The following CNNM2 variants were observed in gnomAD, a reference collection of about 807,000 sequenced individuals.
CNNM2 encodes metal transporter CNNM2.
Under a neutral mutation model 66.9 loss-of-function variants are expected in CNNM2, and 12 were observed. That is an observed-to-expected ratio of 0.18 (90% CI 0.11 to 0.29). The LOEUF is 0.29. Among genes scored for constraint, CNNM2 ranks in the 10% least tolerant of loss-of-function variants. The probability of loss-of-function intolerance (pLI) is 1.00; values close to 1 mark genes in which losing one functional copy is unlikely to be tolerated. For synonymous variants in CNNM2, 557 were observed against 501.8 expected (o/e 1.11, Z -1.47); for missense variants, 705 against 1,167.7 (o/e 0.60, Z 5.77).
At chr10:102,961,881 C>T (rs1421255621) in intron 1 of CNNM2, among the ~76,000 whole-genome samples, 1 of 150,996 alleles carries the variant, frequency 6.6e-6, no homozygotes, top group Non-Finnish European at 1.5e-5. Flanking sequence ...GGCAACAAAG[C>T]GATACTCCAA....
At chr10:102,946,671 T>A (rs927735910) in intron 1 of CNNM2, among the ~76,000 whole-genome samples, 4 of 152,212 alleles carry the variant, frequency 2.6e-5, no homozygotes, top group African/African-American at 7.2e-5. Flanking sequence ...ACATTAATAA[T>A]TGAACACCCG....
rs950928014 is a variant in CNNM2, at chr10:103,012,507, G to T, written c.1622-37200G>T. 3.3e-5 allele frequency among the ~76,000 whole-genome samples: 5 copies of T among 152,264 alleles called. No homozygotes were observed. The East Asian group carries it at 9.6e-4, about 29-fold the overall frequency. ...CTAAAAATACAAAAAAATTATCCAG[G>T]CGTGGTGGTGGGTGCCTGTAATCCC... On this transcript the variant is annotated intron_variant, in intron 1 of 7. Coordinates refer to ENST00000369878, the MANE Select transcript of CNNM2 (RefSeq NM_017649.5).
At chr10:103,025,965 C>T (rs1230180919) in intron 1 of CNNM2, among the ~76,000 whole-genome samples, 1 of 152,160 alleles carries the variant, frequency 6.6e-6, no homozygotes, top group Non-Finnish European at 1.5e-5. Flanking sequence ...ATTGGGTCAT[C>T]AGGTTCCTCG....
chr10:103,055,440 G>C (rs1378803735), intron 3 of CNNM2, among the ~76,000 whole-genome samples: 2 of 152,244 alleles, frequency 1.3e-5, no homozygotes, highest in East Asian at 1.9e-4. Flanking sequence ...TTAATACAAA[G>C]TGGGGAGAAA....
At chr10:103,011,134 G>T (rs967255301) in intron 1 of CNNM2, among the ~76,000 whole-genome samples, 1 of 152,180 alleles carries the variant, frequency 6.6e-6, no homozygotes, top group Non-Finnish European at 1.5e-5. Flanking sequence ...GGAAAGGTGT[G>T]TGTCAGTGAG....
At chr10:103,029,680 G>A (rs370089955) in intron 1 of CNNM2, among the ~76,000 whole-genome samples, 53 of 151,722 alleles carry the variant, frequency 3.5e-4, no homozygotes, top group Admixed American at 5.3e-4. Context: ...TGGCTAACAC[G>A]ATGAAACCCC....
intron 5 of CNNM2, among the ~76,000 whole-genome samples, chr10:103,069,090 C>T (rs1040032815): frequency 6.6e-6 from 1 of 152,174 alleles, no homozygotes; most frequent in Non-Finnish European, 1.5e-5. Flanking sequence ...GTGTGTTACA[C>T]AGAGGCTGGC....
rs750202488 is a variant in CNNM2 at position 102,921,021 on chromosome 10, A to G, written c.1621+920A>G. 32 of 912,664 alleles carry G rather than the reference A, an allele frequency of 3.5e-5. No homozygotes were observed. The African/African-American group carries it at 3.6e-4, about 10-fold the overall frequency. The allele number at this position is 912,664 out of a possible 1,614,324, so 56.5% of individuals were successfully genotyped here. On this transcript the variant is annotated intron_variant, in intron 1 of 7. Transcript: ENST00000369878. ...TTTTTCCACCTTGATCATCCGATAC[A>G]TTAAGTTGAAGTATGTCTCCGTCAA...
chr10:102,995,171 C>CCTT lies in CNNM2; in HGVS notation c.1622-54535_1622-54534insTTC, dbSNP rs796544842. Among the ~76,000 whole-genome samples, 10 of 1,950 alleles carry CCTT rather than the reference C, an allele frequency of 5.1e-3. No individual in the cohort carries two copies. Among genetic ancestry groups the CCTT allele is most frequent in the South Asian group, 0.018 (1 of 56 alleles). 1.3% of individuals were successfully genotyped at this position (1,950 alleles called of 152,430 possible). On this transcript the variant is annotated intron_variant, in intron 1 of 7. Coordinates refer to ENST00000369878, the MANE Select transcript of CNNM2 (RefSeq NM_017649.5). ...CTCCTCCCCCTCTTCCTCCTCCTCC[C>CCTT]CCTCTTCCTCCTCCTCCCCCTCTTC...
At chr10:103,003,807 T>TC (rs1010697870) in intron 1 of CNNM2, among the ~76,000 whole-genome samples, 3 of 151,616 alleles carry the variant, frequency 2.0e-5, no homozygotes, top group Admixed American at 1.3e-4. Flanking sequence ...AGTTACTGTA[T>TC]CCCCCCGGGT....
chr10:102,988,867 G>A (rs545375213), intron 1 of CNNM2, among the ~76,000 whole-genome samples: 5 of 152,286 alleles, frequency 3.3e-5, no homozygotes, highest in East Asian at 1.9e-4. Flanking sequence ...TTAGGTGACC[G>A]ACTAACTTTC....
chr10:103,068,493 G>A, intron 4 of CNNM2, 136 bp from the exon 5 acceptor site: 1 of 735,616 alleles, frequency 1.4e-6, no homozygotes, highest in Non-Finnish European at 2.4e-6. Context: ...TGGGAAAGAT[G>A]AGCTGAAGCT....
rs1035907583 is a variant in CNNM2 at position 102,940,479 on chromosome 10, C to T, written c.1621+20378C>T. 1.6e-4 allele frequency among the ~76,000 whole-genome samples: 24 copies of T among 149,104 alleles called. No homozygotes were observed. In the South Asian group the frequency reaches 1.7e-3, roughly 10 times the overall value. On this transcript the variant is annotated intron_variant, in intron 1 of 7. Transcript: ENST00000369878. ...TGTCACCCAGGCTGGAGTGCACTGG[C>T]GCAATCTCGGCTCACTGCAAGCTCC...
rs11191502 is a variant in CNNM2, at chr10:103,005,737, T to G, written c.1622-43970T>G. Among the ~76,000 whole-genome samples, 14,440 of 152,220 alleles carry G rather than the reference T, an allele frequency of 0.095. 888 individuals carry two copies. The highest frequency in any genetic ancestry group is 0.28 in the East Asian group (1,437 of 5,186). On this transcript the variant is annotated intron_variant, in intron 1 of 7. Transcript: ENST00000369878. ...ACCATTTTTCATTGTATATATTACT[T>G]TATTTTTTTGAGACAGGGTCTCATT...
At chr10:103,029,721 C>G (rs192660823) in intron 1 of CNNM2, among the ~76,000 whole-genome samples, 268 of 152,046 alleles carry the variant, frequency 1.8e-3, no homozygotes, top group Admixed American at 5.4e-3. Context: ...AAAAAATTAG[C>G]CAGGCATGGC....
rs74441776 is a variant in CNNM2, at chr10:103,062,978, G to A, written c.2074-5651G>A. Among the ~76,000 whole-genome samples the A allele has an allele frequency of 0.034, 5,125 of 152,206 alleles. 289 individuals are homozygous for A. The highest frequency in any genetic ancestry group is 0.12 in the African/African-American group (4,838 of 41,516). ...TCTGGGGTGGAGTCTGAGATGCTGC[G>A]TTACCAGCAAGCTCCCAGTTGACAG... On this transcript the variant is annotated intron_variant, in intron 4 of 7. Coordinates refer to ENST00000369878, the MANE Select transcript of CNNM2 (RefSeq NM_017649.5).
chr10:103,010,642 T>C (rs2064324475), intron 1 of CNNM2, among the ~76,000 whole-genome samples: 1 of 152,130 alleles, frequency 6.6e-6, no homozygotes, highest in Non-Finnish European at 1.5e-5. Flanking sequence ...TGAGACAGTC[T>C]CCCTTTTTCG....
Position 103,082,899 on chromosome 10 carries a change from C to T in CNNM2, c.*5719C>T, listed in dbSNP as rs1481654672. On this transcript the variant is annotated 3_prime_UTR_variant, in exon 8 of 8. Coordinates refer to ENST00000369878, the MANE Select transcript of CNNM2 (RefSeq NM_017649.5). ...CAGTACAGCTGTGAGTCCACGGCCT[C>T]CCTCCTCCCAAGGCAGGTCACTTGC... 1 of 152,228 alleles carries T rather than the reference C, an allele frequency of 6.6e-6. No individual in the cohort carries two copies. Among genetic ancestry groups the T allele is most frequent in the East Asian group, 1.9e-4 (1 of 5,200 alleles). The allele number at this position is 152,228 out of a possible 1,614,324, so 9.4% of individuals were successfully genotyped here. A position where few individuals can be genotyped will look rare whatever the true frequency, so the allele number is the denominator to read the frequency against.
intron 1 of CNNM2, among the ~76,000 whole-genome samples, chr10:102,971,223 A>G (rs569869965): frequency 3.3e-4 from 47 of 144,546 alleles, no homozygotes; most frequent in African/African-American, 2.6e-5. Flanking sequence ...TGCAAACACT[A>G]TGGTGACTTA....
Sources: allele counts gnomAD v4.1 joint callset (sites outside exome capture counted in the v4.1 genomes callset), GRCh38; gene constraint gnomAD v4.1.1; transcripts MANE v1.5; gene names NCBI Gene and HGNC (gene_info 2026-07-23, HGNC 2026-07-21).